NRG3: variants seen among roughly 807,000 people sequenced by gnomAD.
The protein encoded by NRG3 is neuregulin 3.
In NRG3, 31 loss-of-function variants were observed where a neutral mutation model predicts 66.9. The ratio of observed to expected loss-of-function variants is 0.46; its 90% CI spans 0.35 to 0.63. The LOEUF (loss-of-function observed/expected upper bound fraction) is 0.63, where lower values mean the gene tolerates loss of function less well. Among genes scored for constraint, NRG3 ranks in the 20% least tolerant of loss-of-function variants. The pLI, the probability that NRG3 is intolerant of heterozygous loss-of-function variation, is 0.00. For synonymous variants in NRG3, 393 were observed against 359.4 expected, an observed-to-expected ratio of 1.09 and a Z score of -1.06; for missense variants, 910 against 878.9, an observed-to-expected ratio of 1.04 and a Z score of -0.45.
chr10:82,882,140 T>C (rs1842355465), intron 4 of NRG3, among the ~76,000 whole-genome samples: 1 of 152,200 alleles, frequency 6.6e-6, no homozygotes, highest in South Asian at 2.1e-4. Context: ...CACTTAAGAC[T>C]TACCACCCTT....
intron 1 of NRG3, among the ~76,000 whole-genome samples, chr10:82,093,504 C>A (rs937340997): frequency 6.6e-6 from 1 of 152,142 alleles, no homozygotes; most frequent in South Asian, 2.1e-4. Flanking sequence ...ATTACTGGGG[C>A]ATTATGAAAG....
intron 2 of NRG3, among the ~76,000 whole-genome samples, chr10:82,543,756 C>G (rs1418306466): frequency 6.6e-6 from 1 of 152,148 alleles, no homozygotes; most frequent in Non-Finnish European, 1.5e-5. Flanking sequence ...ATGGATTATT[C>G]AAGGATTCAT....
intron 2 of NRG3, among the ~76,000 whole-genome samples, chr10:82,565,578 A>C (rs11195038): frequency 0.11 from 16,372 of 151,964 alleles, 1,828 homozygotes; most frequent in African/African-American, 0.28. Context: ...GACACCTAAC[A>C]GTCTCCTTGT....
chr10:82,454,753 T>A (rs2091193824), intron 2 of NRG3, among the ~76,000 whole-genome samples: 1 of 152,196 alleles, frequency 6.6e-6, no homozygotes, highest in South Asian at 2.1e-4. Context: ...GGGAAAAAGC[T>A]ATTCAAAGCA....
At chr10:82,755,734 A>G (rs577626337) in intron 3 of NRG3, among the ~76,000 whole-genome samples, 1 of 152,256 alleles carries the variant, frequency 6.6e-6, no homozygotes, top group African/African-American at 2.4e-5. Flanking sequence ...TACAAACAAC[A>G]GGTTTTCTTG....
At chr10:82,337,345 C>A (rs539927093) in intron 1 of NRG3, among the ~76,000 whole-genome samples, 15 of 152,294 alleles carry the variant, frequency 9.8e-5, no homozygotes, top group Middle Eastern at 3.4e-3. Context: ...TAAATAATGT[C>A]TTTTATTAGT....
chr10:81,934,830 T>C (rs1421166429), intron 1 of NRG3, among the ~76,000 whole-genome samples: 1 of 152,216 alleles, frequency 6.6e-6, no homozygotes, highest in Non-Finnish European at 1.5e-5. Context: ...TTTAAGTTAT[T>C]GGTATGTTAC....
intron 1 of NRG3, among the ~76,000 whole-genome samples, chr10:82,310,523 G>A (rs2080966582): frequency 6.6e-6 from 1 of 152,072 alleles, no homozygotes; most frequent in African/African-American, 2.4e-5. Context: ...AATGAATAAC[G>A]TTGAGACAAC....
intron 3 of NRG3, among the ~76,000 whole-genome samples, chr10:82,852,652 T>C (rs990414758): frequency 1.4e-4 from 22 of 152,174 alleles, no homozygotes; most frequent in Non-Finnish European, 1.9e-4. Flanking sequence ...CAAGGAAGGA[T>C]GTGGATTCTA....
intron 1 of NRG3, among the ~76,000 whole-genome samples, chr10:82,250,471 A>C (rs2077432346): frequency 6.6e-6 from 1 of 152,070 alleles, no homozygotes; most frequent in Non-Finnish European, 1.5e-5. Context: ...CTGTAATTCC[A>C]GCTACTTGGG....
intron 4 of NRG3, among the ~76,000 whole-genome samples, chr10:82,903,318 C>T (rs553172302): frequency 6.6e-6 from 1 of 152,176 alleles, no homozygotes; most frequent in African/African-American, 2.4e-5. Context: ...TTTTGCCTCT[C>T]CAGTAAATTG....
chr10:82,615,760 G>A lies in NRG3; in HGVS notation c.954-122817G>A, dbSNP rs908628067. Among the ~76,000 whole-genome samples the A allele has an allele frequency of 2.6e-5, 4 of 152,160 alleles. No homozygotes were observed. The East Asian group carries it at 5.8e-4, about 22-fold the overall frequency. On this transcript the variant is annotated intron_variant, in intron 2 of 8. Transcript: ENST00000372141. ...AACTGAAGAAAGAGATAGTAAAAAT[G>A]TGGAGGGATCTAATAAAATCTAGCC...
At chr10:82,007,737 A>G (rs2133746698) in intron 1 of NRG3, among the ~76,000 whole-genome samples, 1 of 152,240 alleles carries the variant, frequency 6.6e-6, no homozygotes, top group East Asian at 1.9e-4. Context: ...CAATACAATG[A>G]AGACTAGAAG....
chr10:82,759,719 A>G (rs1301554635), intron 3 of NRG3, among the ~76,000 whole-genome samples: 12 of 152,308 alleles, frequency 7.9e-5, no homozygotes, highest in Admixed American at 6.5e-4. Flanking sequence ...AGCATAACAC[A>G]AAAACATACA....
intron 1 of NRG3, among the ~76,000 whole-genome samples, chr10:82,020,714 C>A (rs2132743847): frequency 6.6e-6 from 1 of 152,164 alleles, no homozygotes; most frequent in African/African-American, 2.4e-5. Flanking sequence ...CTGTGCAGTG[C>A]CATTCAACCC....
At chr10:82,377,457 T>TGC (rs141762555) in intron 2 of NRG3, among the ~76,000 whole-genome samples, 1,656 of 150,434 alleles carry the variant, frequency 0.011, 21 homozygotes, top group African/African-American at 0.033. Context: ...TGTGTGTGTG[T>TGC]GCGCGAGCGC....
At chr10:82,463,738 C>G (rs1263158618) in intron 2 of NRG3, among the ~76,000 whole-genome samples, 3 of 152,192 alleles carry the variant, frequency 2.0e-5, no homozygotes, top group Non-Finnish European at 2.9e-5. Flanking sequence ...CCCTCAACTG[C>G]CTGAATCCAG....
chr10:82,919,256 G>A (rs550288466), intron 4 of NRG3, among the ~76,000 whole-genome samples: 2 of 152,184 alleles, frequency 1.3e-5, no homozygotes, highest in Admixed American at 6.5e-5. Flanking sequence ...TTGTACATAC[G>A]TGTGCACCCT....
chr10:82,220,977 C>T (rs76114086), intron 1 of NRG3, among the ~76,000 whole-genome samples: 9,777 of 152,124 alleles, frequency 0.064, 328 homozygotes, highest in African/African-American at 0.08. Context: ...GAAGAAGACA[C>T]TATTGTCTCA....
Sources: allele counts gnomAD v4.1 joint callset (sites outside exome capture counted in the v4.1 genomes callset), GRCh38; gene constraint gnomAD v4.1.1; transcripts MANE v1.5; gene names NCBI Gene and HGNC (gene_info 2026-07-23, HGNC 2026-07-21).